PDZRN3: variants seen among roughly 807,000 people sequenced by gnomAD.
The protein encoded by PDZRN3 is E3 ubiquitin-protein ligase PDZRN3.
PDZRN3 carries 38 observed loss-of-function variants against 85.7 expected under a neutral mutation model. The ratio of observed to expected loss-of-function variants is 0.44; its 90% CI spans 0.34 to 0.58. The LOEUF (loss-of-function observed/expected upper bound fraction) is 0.58. Ranked by LOEUF, PDZRN3 falls within the 20% of genes least tolerant of loss-of-function variation. PDZRN3 has a pLI of 0.01. For missense variants in PDZRN3, 1,629 were observed against 1,506.4 expected, an observed-to-expected ratio of 1.08 and a Z score of -1.35; for synonymous variants, 759 against 638.0, an observed-to-expected ratio of 1.19 and a Z score of -2.86.
At chr3:73,388,977 C>G (rs1390984720) in intron 7 of PDZRN3, among the ~76,000 whole-genome samples, 2 of 149,420 alleles carry the variant, frequency 1.3e-5, no homozygotes, top group Non-Finnish European at 3.0e-5. Context: ...GCTGAGGACC[C>G]TGACCCTTCA....
chr3:73,523,709 G>C (rs1402392496), intron 3 of PDZRN3, among the ~76,000 whole-genome samples: 1 of 152,120 alleles, frequency 6.6e-6, no homozygotes, highest in Non-Finnish European at 1.5e-5. Flanking sequence ...ACAACTACAG[G>C]GATGGAATGG....
At chr3:73,446,885 G>A (rs1702758208) in intron 3 of PDZRN3, among the ~76,000 whole-genome samples, 1 of 151,534 alleles carries the variant, frequency 6.6e-6, no homozygotes, top group Non-Finnish European at 1.5e-5. Flanking sequence ...TGTTGCTCTC[G>A]ACAGTGCTGG....
At chr3:73,554,049 G>C (rs531748870) in intron 3 of PDZRN3, among the ~76,000 whole-genome samples, 19 of 152,302 alleles carry the variant, frequency 1.2e-4, no homozygotes, top group African/African-American at 4.1e-4. Context: ...CTGGATATCT[G>C]GGCATGACCA....
intron 3 of PDZRN3, among the ~76,000 whole-genome samples, chr3:73,560,682 A>G (rs1701797984): frequency 6.6e-6 from 1 of 152,262 alleles, no homozygotes; most frequent in African/African-American, 2.4e-5. Context: ...AATGTTCGGC[A>G]GATGGATCCC....
In PDZRN3 at chr3:73,404,247, G is replaced by A. The variant is rs201391894; in HGVS notation, c.1067C>T (p.Thr356Met). The A allele has an allele frequency of 1.5e-5, 24 of 1,614,106 alleles. No homozygotes were observed. The East Asian group carries it at 3.1e-4, about 21-fold the overall frequency. The change falls in exon 4 of 10, where the codon ACG (threonine) becomes ATG (methionine). Residue 356 changes from threonine to methionine, a missense_variant. Transcript: ENST00000263666. ...TPPSESQLVD[T>M]GTQTDITFEH... ...AAAGGTGATGTCGGTTTGGGTTCCC[G>A]TGTCCACCAGCTGAGACTCTGATGG...
At chr3:73,448,991 T>C (rs1240219935) in intron 3 of PDZRN3, among the ~76,000 whole-genome samples, 2 of 152,210 alleles carry the variant, frequency 1.3e-5, no homozygotes, top group Non-Finnish European at 2.9e-5. Flanking sequence ...ACAAGACTGA[T>C]TTTCATGGGA....
intron 3 of PDZRN3, among the ~76,000 whole-genome samples, chr3:73,508,264 G>C (rs1381337474): frequency 6.6e-6 from 1 of 152,216 alleles, no homozygotes; most frequent in East Asian, 1.9e-4. Context: ...TGAACAAGGA[G>C]CAAGGCCTCA....
At chr3:73,405,343 T>C (rs1701831748) in intron 3 of PDZRN3, among the ~76,000 whole-genome samples, 1 of 152,230 alleles carries the variant, frequency 6.6e-6, no homozygotes, top group African/African-American at 2.4e-5. Context: ...CCAAGTTAGA[T>C]GGAAGTCCAG....
At chr3:73,432,913 G>T (rs1702460382) in intron 3 of PDZRN3, among the ~76,000 whole-genome samples, 2 of 152,058 alleles carry the variant, frequency 1.3e-5, no homozygotes, top group Admixed American at 1.3e-4. Flanking sequence ...AAACCTCCTA[G>T]TTAAGAGTAG....
In PDZRN3 at chr3:73,624,678, C is replaced by A. The variant is rs758905933; in HGVS notation, c.148G>T (p.Gly50Cys). ...GCVLPWVVQE[G>C]SCPARCRGRL... ...CCGCGGCAGCGCGCCGGGCAGCTGC[C>A]CTCCTGCACCACCCAGGGCAGCACG... is the stretch of plus-strand genomic sequence containing the variant. The change falls in exon 1 of 10, where the codon GGC (glycine) becomes TGC (cysteine). Residue 50 changes from glycine to cysteine, a missense_variant. Coordinates refer to ENST00000263666, the MANE Select transcript of PDZRN3 (RefSeq NM_015009.3). The A allele has an allele frequency of 2.0e-6, 3 of 1,526,626 alleles. No homozygotes were observed. Among genetic ancestry groups the A allele is most frequent in the Non-Finnish European group, 1.8e-6 (2 of 1,142,744 alleles). The allele number at this position is 1,526,626 out of a possible 1,614,324, so 94.6% of individuals were successfully genotyped here.
At chr3:73,479,848 A>AT (rs1703527800) in intron 3 of PDZRN3, among the ~76,000 whole-genome samples, 1 of 152,146 alleles carries the variant, frequency 6.6e-6, no homozygotes, top group Admixed American at 6.5e-5. Flanking sequence ...AGGTGGTATT[A>AT]TTTTGTAAAA....
At chr3:73,582,764 T>A (rs1036610839) in intron 3 of PDZRN3, among the ~76,000 whole-genome samples, 3 of 152,144 alleles carry the variant, frequency 2.0e-5, no homozygotes, top group Admixed American at 2.0e-4. Flanking sequence ...CTCAGTGGTG[T>A]CACTTGTAAA....
chr3:73,458,719 C>T (rs531848696), intron 3 of PDZRN3, among the ~76,000 whole-genome samples: 13 of 151,684 alleles, frequency 8.6e-5, no homozygotes, highest in Admixed American at 5.9e-4. Context: ...GGGCTGGGTG[C>T]GGTGGCTCAC....
chr3:73,513,822 T>C (rs1446043218), intron 3 of PDZRN3, among the ~76,000 whole-genome samples: 1 of 152,228 alleles, frequency 6.6e-6, no homozygotes, highest in Non-Finnish European at 1.5e-5. Flanking sequence ...GAATTTTTAT[T>C]GCACCCGAAA....
At chr3:73,395,581 A>G (rs1440672594) in intron 5 of PDZRN3, among the ~76,000 whole-genome samples, 6 of 152,194 alleles carry the variant, frequency 3.9e-5, no homozygotes, top group African/African-American at 1.4e-4. Flanking sequence ...GGGGATCTCA[A>G]AGACTAATTT....
Position 73,489,575 on chromosome 3 carries a change from CTT to C in PDZRN3, c.919-85182_919-85181del, listed in dbSNP as rs371602592. Among the ~76,000 whole-genome samples, 17 of 80,096 alleles carry C rather than the reference CTT, an allele frequency of 2.1e-4. 2 individuals are homozygous for C. The highest frequency in any genetic ancestry group is 4.0e-4 in the East Asian group (1 of 2,490). The allele number at this position is 80,096 out of a possible 152,430, so 52.5% of individuals were successfully genotyped here. Reference sequence around the variant, plus strand: ...GCCATGCATATGGGCAGTTTCTTTTCTTTTTTTTTTTTTTTGAGATGGAGTCT... The same window carrying C: ...GCCATGCATATGGGCAGTTTCTTTTCTTTTTTTTTTTTTGAGATGGAGTCT... On this transcript the variant is annotated intron_variant, in intron 3 of 9. Transcript: ENST00000263666.
intron 5 of PDZRN3, among the ~76,000 whole-genome samples, chr3:73,396,649 T>C (rs1450157640): frequency 1.3e-5 from 2 of 152,214 alleles, no homozygotes; most frequent in Non-Finnish European, 1.5e-5. Context: ...TTTCCTTTCC[T>C]TTCTGGTCTC....
chr3:73,482,033 A>G (rs1703572017), intron 3 of PDZRN3, among the ~76,000 whole-genome samples: 1 of 152,180 alleles, frequency 6.6e-6, no homozygotes, highest in Admixed American at 6.5e-5. Context: ...CATTAAGAGC[A>G]TCTTTGATAG....
At chr3:73,445,256 T>A (rs116062087) in intron 3 of PDZRN3, among the ~76,000 whole-genome samples, 161 of 152,292 alleles carry the variant, frequency 1.1e-3, no homozygotes, top group Non-Finnish European at 5.4e-4. Flanking sequence ...CATGCCCTCG[T>A]AGTAGATGGT....
Sources: allele counts gnomAD v4.1 joint callset (sites outside exome capture counted in the v4.1 genomes callset), GRCh38; gene constraint gnomAD v4.1.1; transcripts MANE v1.5; gene names NCBI Gene and HGNC (gene_info 2026-07-23, HGNC 2026-07-21).